Variants in PLCH2 observed in about 807,000 individuals in gnomAD.
PLCH2 encodes the protein phospholipase C eta 2, also known as 1-phosphatidylinositol 4,5-bisphosphate phosphodiesterase eta-2.
Under a neutral mutation model 134.7 loss-of-function variants are expected in PLCH2, and 98 were observed. The observed-to-expected ratio is 0.73, with a 90% CI of 0.62 to 0.86. The LOEUF (loss-of-function observed/expected upper bound fraction) is 0.86. PLCH2 is among the 40% of genes least tolerant of loss of function. PLCH2 has a pLI of 0.00. For missense variants in PLCH2, 1,994 were observed against 1,986.6 expected, an observed-to-expected ratio of 1.00 and a Z score of -0.07; for synonymous variants, 974 against 827.5, an observed-to-expected ratio of 1.18 and a Z score of -3.04.
intron 2 of PLCH2, among the ~76,000 whole-genome samples, chr1:2,452,775 G>T (rs1030206778): frequency 6.6e-6 from 1 of 152,212 alleles, no homozygotes; most frequent in Non-Finnish European, 1.5e-5. Context: ...GGAGGGCCTG[G>T]AGCTTGGCCA....
upstream of PLCH2, among the ~76,000 whole-genome samples, chr1:2,465,738 G>A (rs558037751): frequency 5.2e-4 from 79 of 152,372 alleles, no homozygotes; most frequent in Non-Finnish European, 9.4e-4. Context: ...AGGCCGCGGT[G>A]ACGGAAATCA....
At chr1:2,499,028 G>A in intron 18 of PLCH2, 56 bp from the exon 19 acceptor site, 1 of 1,565,844 alleles carries the variant, frequency 6.4e-7, no homozygotes, top group Non-Finnish European at 8.7e-7. Flanking sequence ...CCAGGCTGGA[G>A]CGGTGCTGGG....
At chr1:2,475,063 C>T (rs998642382), upstream of PLCH2, among the ~76,000 whole-genome samples, 1 of 152,130 alleles carries the variant, frequency 6.6e-6, no homozygotes, top group Admixed American at 6.5e-5. Context: ...TGACGGGGCC[C>T]CTGGTGGGGG....
the PLCH2 span, among the ~76,000 whole-genome samples, chr1:2,419,462 GC>G: frequency 2.6e-5 from 4 of 152,140 alleles, no homozygotes; most frequent in Non-Finnish European, 5.9e-5. Flanking sequence ...ACACTCTGAG[GC>G]CCGGGCCTCG....
At chr1:2,420,386 T>G in the PLCH2 span, among the ~76,000 whole-genome samples, 1 of 152,124 alleles carries the variant, frequency 6.6e-6, no homozygotes, top group African/African-American at 2.4e-5. Context: ...TGTGGGGGCC[T>G]GTGGGGCCCA....
the PLCH2 span, among the ~76,000 whole-genome samples, chr1:2,420,174 C>G: frequency 2.0e-5 from 3 of 152,142 alleles, no homozygotes; most frequent in Non-Finnish European, 4.4e-5. Flanking sequence ...CAGCCCCTAC[C>G]TCACATCCCT....
At chr1:2,441,275 G>A (rs773315538) in intron 2 of PLCH2, among the ~76,000 whole-genome samples, 4 of 152,224 alleles carry the variant, frequency 2.6e-5, no homozygotes, top group East Asian at 1.9e-4. Flanking sequence ...GCGAAGAGGC[G>A]CGGGCACCAC....
Position 2,498,676 on chromosome 1 carries a change from G to T in PLCH2, c.2349+29G>T. ...GGGGCCAGCCCCACACAGGCGGGAG[G>T]GGTGGGAGTTGGGGGCGGGCCGGGC... On this transcript the variant is annotated intron_variant, in intron 17 of 21. Coordinates refer to ENST00000378486, the MANE Select transcript of PLCH2 (RefSeq NM_014638.4). The surrounding 1 kb of genome is among the most constrained non-coding windows in gnomAD (Gnocchi z 5.4). 4 of 1,540,318 alleles carry T rather than the reference G, an allele frequency of 2.6e-6. No individual in the cohort carries two copies. The highest frequency in any genetic ancestry group is 3.5e-6 in the Non-Finnish European group (4 of 1,134,896).
At chr1:2,477,580 A>G (rs192918999) in intron 1 of PLCH2, among the ~76,000 whole-genome samples, 160 of 152,132 alleles carry the variant, frequency 1.1e-3, no homozygotes, top group African/African-American at 3.5e-3. Context: ...AGGGGGTGAG[A>G]CCAGTCTGTT....
rs777854128 is a variant in PLCH2 at position 2,499,205 on chromosome 1, G to A, written c.2556G>A (p.Thr852=). The A allele has an allele frequency of 4.3e-6, 7 of 1,612,870 alleles. No individual in the cohort carries two copies. Among genetic ancestry groups the A allele is most frequent in the East Asian group, 4.5e-5 (2 of 44,900 alleles). Residue 852 remains threonine, a synonymous_variant, in exon 19 of 22, where the codon ACG becomes ACA. Coordinates refer to ENST00000378486, the MANE Select transcript of PLCH2 (RefSeq NM_014638.4). Reference sequence around the variant, plus strand: ...GGCGTGACTTCATTGGCCAGAGGACGCTGGCCTTCAGCAGCATGATGCCAG... The same window carrying A: ...GGCGTGACTTCATTGGCCAGAGGACACTGGCCTTCAGCAGCATGATGCCAG... The part of the protein sequence containing the change: ...PIGRDFIGQR[T]LAFSSMMPGY...
intron 8 of PLCH2, among the ~76,000 whole-genome samples, chr1:2,488,941 T>C (rs1459921657): frequency 6.6e-6 from 1 of 152,250 alleles, no homozygotes; most frequent in African/African-American, 2.4e-5. Flanking sequence ...GCCTTTGTTT[T>C]TTTTCTTATT....
chr1:2,494,847 T>C lies in PLCH2; in HGVS notation c.1660-9T>C. ...ACTCACCTTGTCCCTGTCTCTCCCC[T>C]GGACTCAGAGCAAGGCTGAAGAGGA... is the stretch of plus-strand genomic sequence containing the variant. On this transcript the variant is annotated splice_polypyrimidine_tract_variant and intron_variant, in intron 11 of 21. Coordinates refer to ENST00000378486, the MANE Select transcript of PLCH2 (RefSeq NM_014638.4). 6.3e-7 allele frequency: 1 copy of C among 1,593,414 alleles called. No homozygotes were observed. Among genetic ancestry groups the C allele is most frequent in the South Asian group, 1.1e-5 (1 of 88,314 alleles).
At position 2,444,006 on chromosome 1, in the gene PLCH2, A is replaced by G. The variant is rs1299012260; in HGVS notation, c.115+13377A>G. 2.6e-5 allele frequency among the ~76,000 whole-genome samples: 4 copies of G among 152,088 alleles called. No individual in the cohort carries two copies. Among genetic ancestry groups the G allele is most frequent in the Non-Finnish European group, 4.4e-5 (3 of 67,992 alleles). On this transcript the variant is annotated intron_variant, in intron 2 of 3. Coordinates refer to the PLCH2 transcript ENST00000609981. The surrounding 1 kb of genome is among the most constrained non-coding windows in gnomAD (Gnocchi z 4.6). ...CGCTCCTGCCGCTGCGCCGCTGCCA[A>G]CCGGGATGCGCGGGTGGACGCGCGG...
upstream of PLCH2, among the ~76,000 whole-genome samples, chr1:2,424,884 G>A (rs1638702603): frequency 6.6e-6 from 1 of 152,232 alleles, no homozygotes; most frequent in South Asian, 2.1e-4. Flanking sequence ...TACTCGGGAG[G>A]CTGAGGCAGG....
rs753004606 is a variant in PLCH2, at chr1:2,504,922, C to G, written c.3960C>G (p.Ser1320Arg). The change falls in exon 22 of 22, where the codon AGC (serine) becomes AGG (arginine). Residue 1320 changes from serine (S) to arginine (R), a missense_variant. By Grantham distance (110) the Ser-to-Arg change is moderately radical (BLOSUM62 -1). Coordinates refer to ENST00000378486, the MANE Select transcript of PLCH2 (RefSeq NM_014638.4). Reference sequence around the variant, plus strand: ...CAGGAGACATCACGTCACCCACCAGCCTGGGCCCGGCTGGGGAGGGGGTGG... The same window carrying G: ...CAGGAGACATCACGTCACCCACCAGGCTGGGCCCGGCTGGGGAGGGGGTGG... ...QQAGDITSPT[S>R]LGPAGEGVAG... 6.3e-7 allele frequency: 1 copy of G among 1,574,818 alleles called. No homozygotes were observed. Among genetic ancestry groups the G allele is most frequent in the African/African-American group, 1.3e-5 (1 of 74,310 alleles).
In PLCH2 at chr1:2,484,441, A is replaced by G. The variant is rs781308040; in HGVS notation, c.646-7A>G. On this transcript the variant is annotated splice_region_variant and splice_polypyrimidine_tract_variant and intron_variant, in intron 4 of 21. Transcript: ENST00000378486. ...TGCCAATGGGGACCCAAGGCCTTGC[A>G]TTGCAGGAAGCGGACACGGATGACC... 7 of 1,612,904 alleles carry G rather than the reference A, an allele frequency of 4.3e-6. No homozygotes were observed. The highest frequency in any genetic ancestry group is 1.7e-5 in the Admixed American group (1 of 59,956).
chr1:2,457,098 C>T (rs999744171), intron 2 of PLCH2, among the ~76,000 whole-genome samples: 4 of 152,216 alleles, frequency 2.6e-5, no homozygotes, highest in Non-Finnish European at 4.4e-5. Flanking sequence ...GCTTTGGGTC[C>T]GGCCCTGGTG....
intron 2 of PLCH2, among the ~76,000 whole-genome samples, chr1:2,451,623 G>C (rs1640230082): frequency 1.3e-5 from 2 of 152,196 alleles, no homozygotes; most frequent in African/African-American, 2.4e-5. Context: ...GGTGGGCTGG[G>C]GGCTCTCGGG....
At chr1:2,490,908 G>A (rs1642537721) in intron 10 of PLCH2, among the ~76,000 whole-genome samples, 1 of 152,248 alleles carries the variant, frequency 6.6e-6, no homozygotes, top group South Asian at 2.1e-4. Context: ...GGCCAGTGGT[G>A]GGACTCCAGA....
Sources: gnomAD v4.1 joint callset for allele counts (sites outside exome capture counted in the v4.1 genomes callset) on GRCh38, gnomAD v4.1.1 for gene constraint, Gnocchi (gnomAD v3.1) non-coding constraint, MANE v1.5 for transcripts, NCBI Gene and HGNC (gene_info 2026-07-23, HGNC 2026-07-21) for gene names.